Variants in ITGB6 observed in about 807,000 individuals in gnomAD.
The protein encoded by ITGB6 is integrin subunit beta 6.
In ITGB6, 80 loss-of-function variants were observed where a neutral mutation model predicts 84.5. That is an observed-to-expected ratio of 0.95 (90% CI 0.79 to 1.14). The LOEUF is 1.14. Among genes scored for constraint, ITGB6 ranks in the 50% most tolerant of loss-of-function variants. The probability of loss-of-function intolerance (pLI) is 0.00; values close to 1 mark genes in which losing one functional copy is unlikely to be tolerated. For synonymous variants in ITGB6, 383 were observed against 354.9 expected, an observed-to-expected ratio of 1.08 and a Z score of -0.89; for missense variants, 1,006 against 968.0, an observed-to-expected ratio of 1.04 and a Z score of -0.52.
chr2:160,137,293 A>T (rs1683778419), intron 10 of ITGB6, 141 bp downstream of exon 10: 1 of 729,224 alleles, frequency 1.4e-6, no homozygotes, highest in Non-Finnish European at 2.2e-6. Flanking sequence ...GAGAAGATTC[A>T]GTTACCCTAG....
chr2:160,168,540 G>C (rs1685089881), intron 7 of ITGB6, among the ~76,000 whole-genome samples: 1 of 151,932 alleles, frequency 6.6e-6, no homozygotes. Context: ...TTTTTCCTAG[G>C]CTGGGAAAAA....
intron 10 of ITGB6, among the ~76,000 whole-genome samples, chr2:160,132,704 A>G (rs1408706311): frequency 6.6e-6 from 1 of 152,140 alleles, no homozygotes; most frequent in Non-Finnish European, 1.5e-5. Context: ...TTCTTTTCTG[A>G]ATAGATTACA....
chr2:160,129,180 C>T (rs997511360), intron 10 of ITGB6, among the ~76,000 whole-genome samples: 3 of 151,942 alleles, frequency 2.0e-5, no homozygotes, highest in Admixed American at 1.3e-4. Context: ...ACAAGTAGCC[C>T]ATCTAATCCT....
intron 12 of ITGB6, among the ~76,000 whole-genome samples, chr2:160,112,558 A>C (rs891652940): frequency 6.6e-6 from 1 of 152,188 alleles, no homozygotes. Flanking sequence ...TGCTGAGAGC[A>C]TGAAGGATGT....
At chr2:160,102,705 T>C (rs926006452) in intron 14 of ITGB6, among the ~76,000 whole-genome samples, 3 of 152,180 alleles carry the variant, frequency 2.0e-5, no homozygotes, top group Non-Finnish European at 4.4e-5. Context: ...GGATCAAGCC[T>C]CTCTAGTTGT....
chr2:160,103,879 A>G (rs536511154), intron 14 of ITGB6, among the ~76,000 whole-genome samples: 6 of 152,276 alleles, frequency 3.9e-5, no homozygotes, highest in African/African-American at 1.4e-4. Context: ...AGGACCAGAT[A>G]CTTGTTTGTA....
intron 7 of ITGB6, among the ~76,000 whole-genome samples, chr2:160,162,778 C>T (rs180739981): frequency 1.3e-5 from 2 of 152,170 alleles, no homozygotes; most frequent in East Asian, 3.9e-4. Flanking sequence ...GCCACCACAA[C>T]CTGCTAATTT....
At position 160,107,848 on chromosome 2, in the gene ITGB6, G is replaced by A; in HGVS notation, c.2102-3C>T. ...AATGTTTGGAGGCTTCGGACAATCTGCAGAAATAAAGAAAATTATAAGAAG... is the reference window on the plus strand; with the variant it reads ...AATGTTTGGAGGCTTCGGACAATCTACAGAAATAAAGAAAATTATAAGAAG... On this transcript the variant is annotated splice_polypyrimidine_tract_variant and splice_region_variant and intron_variant, in intron 13 of 14. Transcript: ENST00000283249. 1 of 1,570,732 alleles carries A rather than the reference G, an allele frequency of 6.4e-7. No individual in the cohort carries two copies. Among genetic ancestry groups the A allele is most frequent in the Non-Finnish European group, 8.7e-7 (1 of 1,153,186 alleles).
At chr2:160,179,220 T>C (rs1685561345) in intron 4 of ITGB6, among the ~76,000 whole-genome samples, 1 of 151,972 alleles carries the variant, frequency 6.6e-6, no homozygotes, top group African/African-American at 2.4e-5. Context: ...ATTAATATCG[T>C]CTTTTCCTGA....
chr2:160,132,662 T>A (rs1683517330), intron 10 of ITGB6, among the ~76,000 whole-genome samples: 2 of 152,164 alleles, frequency 1.3e-5, no homozygotes, highest in Admixed American at 6.6e-5. Flanking sequence ...GACAAATTTA[T>A]ACTGTTTAAG....
At chr2:160,129,900 A>C (rs1270523132) in intron 10 of ITGB6, among the ~76,000 whole-genome samples, 1 of 151,988 alleles carries the variant, frequency 6.6e-6, no homozygotes, top group East Asian at 1.9e-4. Context: ...ATGTGTGTGC[A>C]TATATGTATA....
chr2:160,198,501 C>G (rs1461808507), intron 2 of ITGB6, among the ~76,000 whole-genome samples: 1 of 152,214 alleles, frequency 6.6e-6, no homozygotes, highest in Non-Finnish European at 1.5e-5. Flanking sequence ...AAGCTAATGC[C>G]TCTCTTCCTT....
chr2:160,120,916 T>C (rs1172462052), intron 12 of ITGB6, among the ~76,000 whole-genome samples: 2 of 75,956 alleles, frequency 2.6e-5, no homozygotes, highest in East Asian at 9.5e-4. Flanking sequence ...CGTTGTGGGA[T>C]GGGGGAGGGG....
At chr2:160,108,433 G>C (rs1290741977) in intron 13 of ITGB6, among the ~76,000 whole-genome samples, 2 of 152,158 alleles carry the variant, frequency 1.3e-5, no homozygotes, top group African/African-American at 2.4e-5. Context: ...CAGTAGTCTG[G>C]TTTTGGGGAA....
chr2:160,188,906 C>G (rs986438819), intron 4 of ITGB6, among the ~76,000 whole-genome samples: 2 of 152,050 alleles, frequency 1.3e-5, no homozygotes, highest in Admixed American at 1.3e-4. Flanking sequence ...ACCTGGCCAA[C>G]TCATCAATTC....
intron 7 of ITGB6, among the ~76,000 whole-genome samples, chr2:160,165,783 G>A (rs1684979362): frequency 6.6e-6 from 1 of 152,162 alleles, no homozygotes; most frequent in Admixed American, 6.5e-5. Context: ...CAACATGTTG[G>A]TCCTGAGACT....
intron 14 of ITGB6, among the ~76,000 whole-genome samples, chr2:160,106,958 G>C (rs1696932302): frequency 6.6e-6 from 1 of 152,252 alleles, no homozygotes; most frequent in South Asian, 2.1e-4. Context: ...ATAGAGAGAT[G>C]AAATTAAAAC....
intron 2 of ITGB6, 152 bp from the exon 3 acceptor site, chr2:160,196,572 CT>C (rs1245171408): frequency 3.1e-6 from 2 of 648,176 alleles, no homozygotes; most frequent in African/African-American, 3.7e-5. Context: ...GATTATAGGT[CT>C]AAAGTTAAGT....
chr2:160,143,705 A>C (rs909368524), intron 7 of ITGB6, among the ~76,000 whole-genome samples: 24 of 152,208 alleles, frequency 1.6e-4, no homozygotes, highest in African/African-American at 5.5e-4. Flanking sequence ...ATCTTATTTA[A>C]AGAAGATTTA....
Sources: allele counts gnomAD v4.1 joint callset (sites outside exome capture counted in the v4.1 genomes callset), GRCh38; gene constraint gnomAD v4.1.1; transcripts MANE v1.5; gene names NCBI Gene and HGNC (gene_info 2026-07-23, HGNC 2026-07-21).